BCO2: variants seen among roughly 807,000 people sequenced by gnomAD.
BCO2 encodes the protein carotenoid-cleaving dioxygenase, mitochondrial.
Under a neutral mutation model 65.8 loss-of-function variants are expected in BCO2, and 56 were observed. That is an observed-to-expected ratio of 0.85 (90% CI 0.69 to 1.06). The LOEUF (loss-of-function observed/expected upper bound fraction) is 1.06. Ranked by LOEUF, BCO2 falls within the 50% of genes least tolerant of loss-of-function variation. BCO2 has a pLI of 0.00. For synonymous variants in BCO2, 233 were observed against 242.3 expected, an observed-to-expected ratio of 0.96 and a Z score of 0.36; for missense variants, 675 against 698.5, an observed-to-expected ratio of 0.97 and a Z score of 0.38.
At chr11:112,203,783 A>G (rs1161122035) in intron 8 of BCO2, among the ~76,000 whole-genome samples, 1 of 151,754 alleles carries the variant, frequency 6.6e-6, no homozygotes, top group Non-Finnish European at 1.5e-5. Flanking sequence ...CCACTGTTTC[A>G]TTGTCTTTCT....
intron 5 of BCO2, among the ~76,000 whole-genome samples, chr11:112,195,104 A>G (rs1024946584): frequency 4.6e-5 from 7 of 152,168 alleles, no homozygotes; most frequent in Admixed American, 2.0e-4. Context: ...ACTCATTCAT[A>G]ATATGACAAA....
intron 8 of BCO2, chr11:112,209,008 A>G (rs570990684): frequency 4.9e-4 from 78 of 158,402 alleles, no homozygotes; most frequent in Middle Eastern, 2.9e-3. Flanking sequence ...AAGAAAAATC[A>G]AGCAGAAAGT....
At position 112,187,051 on chromosome 11, in the gene BCO2, C is replaced by T. The variant is rs1334238679; in HGVS notation, c.294-6423C>T. ...AAGGCCACACTTGGAACTTACTATACAGAATTTCTCCACCCCTGAAATCTT... is the reference window on the plus strand; with the variant it reads ...AAGGCCACACTTGGAACTTACTATATAGAATTTCTCCACCCCTGAAATCTT... On this transcript the variant is annotated intron_variant, in intron 2 of 11. Coordinates refer to ENST00000357685, the MANE Select transcript of BCO2 (RefSeq NM_031938.7). Among the ~76,000 whole-genome samples, 3 of 152,184 alleles carry T rather than the reference C, an allele frequency of 2.0e-5. No individual in the cohort carries two copies. In the East Asian group the frequency reaches 5.8e-4, roughly 29 times the overall value.
chr11:112,186,639 G>A (rs866865746), intron 2 of BCO2, among the ~76,000 whole-genome samples: 47 of 152,174 alleles, frequency 3.1e-4, no homozygotes, highest in Non-Finnish European at 6.2e-4. Flanking sequence ...CATGCCAAAG[G>A]TCTATCTTCA....
At position 112,218,795 on chromosome 11, in the gene BCO2, A is replaced by G. The variant is rs189349282; in HGVS notation, c.*921A>G. ...CAGAATTCATAATATAACTATGGTT[A>G]TAGATATTTATTTTTTAGGGCTCTT... On this transcript the variant is annotated 3_prime_UTR_variant, in exon 12 of 12. Coordinates refer to ENST00000357685, the MANE Select transcript of BCO2 (RefSeq NM_031938.7). The G allele has an allele frequency of 6.6e-6, 1 of 152,392 alleles. No individual in the cohort carries two copies. Among genetic ancestry groups the G allele is most frequent in the African/African-American group, 2.4e-5 (1 of 41,600 alleles). 9.4% of individuals were successfully genotyped at this position (152,392 alleles called of 1,614,324 possible).
rs71060231 is a variant in BCO2 at position 112,196,915 on chromosome 11, T to TCCTTCCCTTCCCTTCCCTTC, written c.736+2191_736+2210dup. On this transcript the variant is annotated intron_variant, in intron 5 of 11. Coordinates refer to ENST00000357685, the MANE Select transcript of BCO2 (RefSeq NM_031938.7). ...TTCTCCTTCCTTTCCTTCCTTTCCT[T>TCCTTCCCTTCCCTTCCCTTC]CCTTCCCTTCCCTTCCCTTCCCTTC... 2.0e-3 allele frequency among the ~76,000 whole-genome samples: 249 copies of TCCTTCCCTTCCCTTCCCTTC among 124,338 alleles called. 2 individuals carry two copies. The highest frequency in any genetic ancestry group is 7.0e-3 in the African/African-American group (212 of 30,450). 81.6% of individuals were successfully genotyped at this position (124,338 alleles called of 152,430 possible).
intron 1 of BCO2, among the ~76,000 whole-genome samples, chr11:112,177,854 C>T (rs1384582881): frequency 6.6e-6 from 1 of 150,856 alleles, no homozygotes; most frequent in Non-Finnish European, 1.5e-5. Flanking sequence ...TGTGCTGCCT[C>T]TTAAGGGAAG....
In BCO2 at chr11:112,200,701, CT is replaced by C; in HGVS notation, c.958del (p.Ser320GlnfsTer4). 6.2e-7 allele frequency: 1 copy of C among 1,613,888 alleles called. No individual in the cohort carries two copies. Among genetic ancestry groups the C allele is most frequent in the Middle Eastern group, 1.6e-4 (1 of 6,062 alleles). On this transcript the variant is annotated frameshift_variant, in exon 7 of 12. Transcript: ENST00000357685. LOFTEE classifies it high-confidence loss of function. ...IATSKIRGKA[F>X]SDGISWEPQC... Reference sequence around the variant, plus strand: ...CCACTTCTAAAATTCGGGGAAAGGCCTTTTCAGATGGGATAAGCTGGGAACC... The same window carrying C: ...CCACTTCTAAAATTCGGGGAAAGGCCTTTCAGATGGGATAAGCTGGGAACC...
chr11:112,199,577 TAA>T, intron 5 of BCO2, 120 bp from the exon 6 acceptor site: 1 of 780,646 alleles, frequency 1.3e-6, no homozygotes, highest in East Asian at 2.5e-5. Flanking sequence ...CTTCAGGAAA[TAA>T]GAGTGTCACA....
chr11:112,211,901 G>A (rs987200826), intron 8 of BCO2, among the ~76,000 whole-genome samples: 1 of 152,092 alleles, frequency 6.6e-6, no homozygotes, highest in Non-Finnish European at 1.5e-5. Context: ...TTTTCAATGG[G>A]GTAGTTGATC....
chr11:112,217,135 G>A lies in BCO2; in HGVS notation c.1627-626G>A, dbSNP rs117558442. ...TTTCTGTCTTTTAGAAGATTGGAAA[G>A]GCACAAGCAAAAATATTAAACTCAA... is the stretch of plus-strand genomic sequence containing the variant. On this transcript the variant is annotated intron_variant, in intron 11 of 11. Coordinates refer to ENST00000357685, the MANE Select transcript of BCO2 (RefSeq NM_031938.7). 6.4e-4 allele frequency among the ~76,000 whole-genome samples: 97 copies of A among 152,308 alleles called. 2 individuals carry two copies. In the East Asian group the frequency reaches 0.018, roughly 28 times the overall value.
chr11:112,198,418 A>T (rs1473746356), intron 5 of BCO2, among the ~76,000 whole-genome samples: 1 of 152,118 alleles, frequency 6.6e-6, no homozygotes, highest in Non-Finnish European at 1.5e-5. Context: ...TAGTACTAAG[A>T]ACACTCAGAA....
chr11:112,202,668 A>C (rs1867765562), intron 8 of BCO2, among the ~76,000 whole-genome samples: 1 of 152,202 alleles, frequency 6.6e-6, no homozygotes. Flanking sequence ...TTCATCATTT[A>C]TTTAATATTA....
At chr11:112,192,017 G>A (rs1490534604) in intron 2 of BCO2, among the ~76,000 whole-genome samples, 1 of 152,018 alleles carries the variant, frequency 6.6e-6, no homozygotes, top group Non-Finnish European at 1.5e-5. Context: ...CAGATCTTTA[G>A]AACTTTTTCA....
At chr11:112,191,445 A>T (rs1052336441) in intron 2 of BCO2, among the ~76,000 whole-genome samples, 1 of 152,188 alleles carries the variant, frequency 6.6e-6, no homozygotes, top group Non-Finnish European at 1.5e-5. Flanking sequence ...AGAAATATGC[A>T]AACTTTAAAA....
chr11:112,216,089 A>C, intron 10 of BCO2, 131 bp from the exon 11 acceptor site: 1 of 668,662 alleles, frequency 1.5e-6, no homozygotes. Context: ...TCAGCACTCC[A>C]GCATGAGCTT....
At chr11:112,217,673 C>T in intron 11 of BCO2, 88 bp from the exon 12 acceptor site, 1 of 879,020 alleles carries the variant, frequency 1.1e-6, no homozygotes, top group Non-Finnish European at 1.8e-6. Flanking sequence ...CATGGTCTCT[C>T]CATTAGGAAT....
chr11:112,216,761 AAGTCCAATGTCATC>A (rs1451799110), intron 11 of BCO2, among the ~76,000 whole-genome samples: 3 of 152,216 alleles, frequency 2.0e-5, no homozygotes, highest in Admixed American at 1.3e-4. Flanking sequence ...ACTGACCTCC[AAGTCCAATGTCATC>A]AGTCCTGGTC....
intron 2 of BCO2, chr11:112,180,693 A>C: frequency 1.3e-6 from 1 of 758,854 alleles, no homozygotes; most frequent in Non-Finnish European, 2.4e-6. Context: ...GGAGGGGGGG[A>C]AGGGCGGGAG....
Sources: allele counts gnomAD v4.1 joint callset (sites outside exome capture counted in the v4.1 genomes callset), GRCh38; gene constraint gnomAD v4.1.1; transcripts MANE v1.5; gene names NCBI Gene and HGNC (gene_info 2026-07-23, HGNC 2026-07-21).